Variants in SDK1 observed in about 807,000 individuals in gnomAD.
The protein encoded by SDK1 is sidekick cell adhesion molecule 1, also known as protein sidekick-1.
SDK1 carries 157 observed loss-of-function variants against 245.5 expected under a neutral mutation model. That is an observed-to-expected ratio of 0.64 (90% CI 0.56 to 0.73). The LOEUF (loss-of-function observed/expected upper bound fraction) is 0.73, where lower values mean the gene tolerates loss of function less well. Ranked by LOEUF, SDK1 falls within the 30% of genes least tolerant of loss-of-function variation. The probability of loss-of-function intolerance (pLI) is 0.00; values close to 1 mark genes in which losing one functional copy is unlikely to be tolerated. For synonymous variants in SDK1, 1,647 were observed against 1,278.5 expected, an observed-to-expected ratio of 1.29 and a Z score of -6.15; for missense variants, 3,583 against 3,002.3, an observed-to-expected ratio of 1.19 and a Z score of -4.52.
intron 1 of SDK1, among the ~76,000 whole-genome samples, chr7:3,420,800 C>T (rs1386961512): frequency 1.3e-5 from 2 of 152,042 alleles, no homozygotes; most frequent in South Asian, 4.2e-4. Flanking sequence ...TGTGCAGAGT[C>T]GTTACATAGA....
At chr7:3,922,073 T>C (rs1406991072) in intron 5 of SDK1, among the ~76,000 whole-genome samples, 2 of 152,242 alleles carry the variant, frequency 1.3e-5, no homozygotes, top group African/African-American at 4.8e-5. Flanking sequence ...CACCCTTCTC[T>C]TCTTTACCAG....
intron 1 of SDK1, among the ~76,000 whole-genome samples, chr7:3,532,210 T>C (rs1783371017): frequency 6.6e-6 from 1 of 152,246 alleles, no homozygotes; most frequent in African/African-American, 2.4e-5. Flanking sequence ...TCTCCCTTAA[T>C]GAGTTTGCTT....
At chr7:3,503,381 T>C (rs1456604824) in intron 1 of SDK1, among the ~76,000 whole-genome samples, 3 of 152,188 alleles carry the variant, frequency 2.0e-5, no homozygotes, top group Non-Finnish European at 4.4e-5. Context: ...ATTCCACAAG[T>C]TAAGAAAACA....
chr7:3,816,713 A>T (rs566596690), intron 4 of SDK1, among the ~76,000 whole-genome samples: 2 of 152,334 alleles, frequency 1.3e-5, no homozygotes, highest in South Asian at 2.1e-4. Flanking sequence ...TTGTACAGCT[A>T]AGGAAAGTTC....
chr7:3,453,626 C>T (rs533782457), intron 1 of SDK1, among the ~76,000 whole-genome samples: 1 of 152,212 alleles, frequency 6.6e-6, no homozygotes, highest in African/African-American at 2.4e-5. Flanking sequence ...AGGCAAGGAG[C>T]AGATTTCCCC....
chr7:3,760,898 G>A (rs1368714212), intron 4 of SDK1, among the ~76,000 whole-genome samples: 1 of 152,318 alleles, frequency 6.6e-6, no homozygotes, highest in Middle Eastern at 3.4e-3. Context: ...ACGCTGAGTA[G>A]TGAAGTATTT....
At chr7:4,008,303 G>A (rs1785654531) in intron 14 of SDK1, among the ~76,000 whole-genome samples, 1 of 152,220 alleles carries the variant, frequency 6.6e-6, no homozygotes, top group South Asian at 2.1e-4. Context: ...GGGCAGTTGG[G>A]TTTGTTAGGA....
chr7:3,437,943 G>A (rs972272730), intron 1 of SDK1, among the ~76,000 whole-genome samples: 10 of 152,168 alleles, frequency 6.6e-5, no homozygotes, highest in Admixed American at 3.3e-4. Flanking sequence ...CCCTACGTTT[G>A]TGTATGAGCC....
At chr7:3,998,309 C>T (rs1025167434) in intron 14 of SDK1, among the ~76,000 whole-genome samples, 8 of 152,232 alleles carry the variant, frequency 5.3e-5, no homozygotes, top group Non-Finnish European at 1.2e-4. Flanking sequence ...ATGATGGCAG[C>T]GGCAGGCTGT....
At chr7:3,618,527 A>G (rs977935874) in intron 1 of SDK1, among the ~76,000 whole-genome samples, 6 of 152,206 alleles carry the variant, frequency 3.9e-5, no homozygotes, top group Admixed American at 1.3e-4. Flanking sequence ...GCGCTGTTCC[A>G]TTATGTGAAT....
intron 5 of SDK1, among the ~76,000 whole-genome samples, chr7:3,866,154 C>G (rs1275806238): frequency 6.6e-6 from 1 of 152,216 alleles, no homozygotes; most frequent in African/African-American, 2.4e-5. Flanking sequence ...AGGCTGAATT[C>G]TCTCATTCAC....
chr7:4,149,567 C>G (rs1780216068), intron 30 of SDK1, 104 bp downstream of exon 30: 3 of 687,630 alleles, frequency 4.4e-6, no homozygotes, highest in Non-Finnish European at 6.6e-6. Flanking sequence ...AGCAGGTGCA[C>G]CCCTGAGAGC....
intron 28 of SDK1, among the ~76,000 whole-genome samples, chr7:4,137,055 G>A (rs539356375): frequency 6.6e-6 from 1 of 152,358 alleles, no homozygotes; most frequent in African/African-American, 2.4e-5. Flanking sequence ...AGTCATGAGC[G>A]CTGGGGTCCC....
At chr7:4,043,749 A>C (rs1258791231) in intron 17 of SDK1, among the ~76,000 whole-genome samples, 1 of 152,144 alleles carries the variant, frequency 6.6e-6, no homozygotes, top group Non-Finnish European at 1.5e-5. Context: ...TATGATCCTC[A>C]TAGCCTTACT....
intron 17 of SDK1, among the ~76,000 whole-genome samples, chr7:4,021,778 C>G (rs765934481): frequency 6.6e-6 from 1 of 152,196 alleles, no homozygotes; most frequent in Non-Finnish European, 1.5e-5. Context: ...AGGCTGGCAA[C>G]GTGGCCTTCC....
At chr7:3,852,750 CA>C (rs35116493) in intron 5 of SDK1, among the ~76,000 whole-genome samples, 1,731 of 28,146 alleles carry the variant, frequency 0.062, 4 homozygotes, top group South Asian at 0.1. Flanking sequence ...GACTCCGTCT[CA>C]AAAAAAAAAA....
intron 32 of SDK1, among the ~76,000 whole-genome samples, chr7:4,171,562 CT>C (rs1251742776): frequency 6.6e-6 from 1 of 152,178 alleles, no homozygotes; most frequent in Non-Finnish European, 1.5e-5. Flanking sequence ...GGCCTGGTAG[CT>C]GAGCATGCTC....
At chr7:3,765,456 G>C (rs910974545) in intron 4 of SDK1, among the ~76,000 whole-genome samples, 2 of 152,138 alleles carry the variant, frequency 1.3e-5, no homozygotes, top group African/African-American at 4.8e-5. Context: ...TGACTTCCTT[G>C]GCTCAACGTT....
chr7:3,961,538 A>G (rs1021362351), intron 8 of SDK1, among the ~76,000 whole-genome samples: 2 of 152,226 alleles, frequency 1.3e-5, no homozygotes, highest in Admixed American at 1.3e-4. Flanking sequence ...GAACCATCTG[A>G]GATCTAGAGC....
Sources: gnomAD v4.1 joint callset for allele counts (sites outside exome capture counted in the v4.1 genomes callset) on GRCh38, gnomAD v4.1.1 for gene constraint, MANE v1.5 for transcripts, NCBI Gene and HGNC (gene_info 2026-07-23, HGNC 2026-07-21) for gene names.